The following RARB variants were observed in gnomAD, a reference collection of about 807,000 sequenced individuals.
RARB encodes retinoic acid receptor beta, also known as HBV-activated protein.
In RARB, 17 loss-of-function variants were observed where a neutral mutation model predicts 51.9. That is an observed-to-expected ratio of 0.33 (90% CI 0.22 to 0.49). RARB has a LOEUF of 0.49. Among genes scored for constraint, RARB ranks in the 20% least tolerant of loss-of-function variants. RARB has a pLI of 0.99. For synonymous variants in RARB, 215 were observed against 195.4 expected, an observed-to-expected ratio of 1.10 and a Z score of -0.84; for missense variants, 369 against 550.8, an observed-to-expected ratio of 0.67 and a Z score of 3.30.
Position 25,226,614 on chromosome 3 carries a change from G to C in RARB, c.178+52039G>C, listed in dbSNP as rs375820893. ...AAGTACAACATCTGCTGAGGGACATGAATTTGATTTTACACTCAACTTGTC... is the reference window on the plus strand; with the variant it reads ...AAGTACAACATCTGCTGAGGGACATCAATTTGATTTTACACTCAACTTGTC... On this transcript the variant is annotated intron_variant, in intron 5 of 11. Coordinates refer to the RARB transcript ENST00000383772. Among the ~76,000 whole-genome samples the C allele has an allele frequency of 1.3e-3, 201 of 152,318 alleles. 1 individual carries two copies. The highest frequency in any genetic ancestry group is 4.6e-3 in the African/African-American group (193 of 41,582).
intron 2 of RARB, among the ~76,000 whole-genome samples, chr3:24,881,624 G>A (rs948366504): frequency 2.0e-5 from 3 of 152,144 alleles, no homozygotes; most frequent in Admixed American, 6.6e-5. Flanking sequence ...AATTATAGTG[G>A]CATTGATCTT....
upstream of RARB, among the ~76,000 whole-genome samples, chr3:25,424,989 A>C (rs1707950335): frequency 6.6e-6 from 1 of 152,230 alleles, no homozygotes; most frequent in East Asian, 1.9e-4. Flanking sequence ...AGTTACTCTG[A>C]AACAAAATGG....
At chr3:25,079,349 G>A (rs1179203183) in intron 3 of RARB, among the ~76,000 whole-genome samples, 1 of 152,032 alleles carries the variant, frequency 6.6e-6, no homozygotes, top group East Asian at 1.9e-4. Context: ...TTTTCAAACT[G>A]AATGCTAATT....
chr3:25,287,947 A>C (rs1703695636), intron 5 of RARB, among the ~76,000 whole-genome samples: 1 of 152,108 alleles, frequency 6.6e-6, no homozygotes, highest in Admixed American at 6.6e-5. Flanking sequence ...TTCAATATGC[A>C]TTATAAAGGG....
intron 5 of RARB, among the ~76,000 whole-genome samples, chr3:25,273,266 C>T (rs140819333): frequency 6.6e-6 from 1 of 152,164 alleles, no homozygotes; most frequent in Admixed American, 6.5e-5. Flanking sequence ...CCTCAGCTAT[C>T]GTGCATGAGA....
At chr3:25,347,605 G>C (rs1705432830) in intron 5 of RARB, among the ~76,000 whole-genome samples, 1 of 152,208 alleles carries the variant, frequency 6.6e-6, no homozygotes, top group African/African-American at 2.4e-5. Context: ...GCCCAAGTTA[G>C]CAGCCAAAAG....
rs948961192 is a variant in RARB, at chr3:25,138,525, T to C, written c.-280+6317T>C. The stretch of plus-strand genomic sequence containing the variant: ...TTTCTATTTAAGCTTTAAATCAGAA[T>C]TCTAATTAGTAACATGAGTCTCTTT... On this transcript the variant is annotated intron_variant, in intron 4 of 11. Coordinates refer to the RARB transcript ENST00000383772. 3.9e-5 allele frequency among the ~76,000 whole-genome samples: 6 copies of C among 152,246 alleles called. No individual in the cohort carries two copies. The South Asian group carries it at 1.0e-3, about 26-fold the overall frequency.
Position 25,236,338 on chromosome 3 carries a change from A to T in RARB, c.178+61763A>T, listed in dbSNP as rs532405335. Among the ~76,000 whole-genome samples the T allele has an allele frequency of 2.6e-5, 4 of 152,306 alleles. No homozygotes were observed. In the South Asian group the frequency reaches 8.3e-4, roughly 32 times the overall value. On this transcript the variant is annotated intron_variant, in intron 5 of 11. Coordinates refer to the RARB transcript ENST00000383772. ...TTAAGCTCCAGATAATTTCAAAGATAATAATACCCTGTTAATTCTTATCTC... is the reference window on the plus strand; with the variant it reads ...TTAAGCTCCAGATAATTTCAAAGATTATAATACCCTGTTAATTCTTATCTC...
intron 5 of RARB, among the ~76,000 whole-genome samples, chr3:25,371,042 G>T (rs900657): frequency 0.43 from 64,496 of 151,598 alleles, 14,208 homozygotes; most frequent in East Asian, 0.77. Flanking sequence ...TTGGATTTAG[G>T]GCCCCCTTGG....
At chr3:25,176,099 A>C (rs1245474152) in intron 5 of RARB, among the ~76,000 whole-genome samples, 1 of 152,082 alleles carries the variant, frequency 6.6e-6, no homozygotes, top group Non-Finnish European at 1.5e-5. Flanking sequence ...ACATTTTAAC[A>C]GGTTTCTTTC....
At chr3:24,886,214 G>A (rs1215151450) in intron 2 of RARB, among the ~76,000 whole-genome samples, 5 of 152,034 alleles carry the variant, frequency 3.3e-5, no homozygotes, top group Non-Finnish European at 7.4e-5. Context: ...AATATACCTG[G>A]CTTTATAGTT....
At chr3:24,907,224 C>T (rs1694886879) in intron 2 of RARB, among the ~76,000 whole-genome samples, 1 of 152,140 alleles carries the variant, frequency 6.6e-6, no homozygotes, top group Non-Finnish European at 1.5e-5. Flanking sequence ...CAAACTTTAG[C>T]ATCAGAATCA....
chr3:24,851,835 G>T (rs1702563737), intron 1 of RARB, among the ~76,000 whole-genome samples: 1 of 152,146 alleles, frequency 6.6e-6, no homozygotes, highest in Admixed American at 6.5e-5. Flanking sequence ...AGATGAAATT[G>T]TTCATTAGAA....
At chr3:25,366,562 T>C (rs1559373664) in intron 5 of RARB, among the ~76,000 whole-genome samples, 2 of 152,172 alleles carry the variant, frequency 1.3e-5, no homozygotes, top group East Asian at 3.9e-4. Context: ...AAAATGAGAG[T>C]TGGAAAACTC....
intron 5 of RARB, among the ~76,000 whole-genome samples, chr3:25,207,208 A>G (rs1701571299): frequency 6.6e-6 from 1 of 152,196 alleles, no homozygotes; most frequent in Non-Finnish European, 1.5e-5. Context: ...GCCTGGAGAT[A>G]TAGTTCCAAC....
intron 5 of RARB, among the ~76,000 whole-genome samples, chr3:25,270,129 TATC>T (rs1349887343): frequency 6.6e-6 from 1 of 152,144 alleles, no homozygotes; most frequent in Non-Finnish European, 1.5e-5. Context: ...TAGAATCACA[TATC>T]ATCCATTAAT....
chr3:25,263,569 C>A (rs1016837863), intron 5 of RARB, among the ~76,000 whole-genome samples: 1 of 152,322 alleles, frequency 6.6e-6, no homozygotes, highest in East Asian at 1.9e-4. Flanking sequence ...CTGACTCCAT[C>A]TGAGATTTTT....
At position 25,204,418 on chromosome 3, in the gene RARB, C is replaced by G. The variant is rs145084250; in HGVS notation, c.178+29843C>G. On this transcript the variant is annotated intron_variant, in intron 5 of 11. Transcript: ENST00000383772. ...GTTTGATTGTCTGAAGCCGCCTTCT[C>G]TCAACTCGTCAAAGTTATTCTCCGT... Among the ~76,000 whole-genome samples, 59 of 152,354 alleles carry G rather than the reference C, an allele frequency of 3.9e-4. No individual in the cohort carries two copies. In the East Asian group the frequency reaches 0.011, roughly 28 times the overall value.
At chr3:25,356,609 C>T (rs1173522764) in intron 5 of RARB, among the ~76,000 whole-genome samples, 3 of 152,002 alleles carry the variant, frequency 2.0e-5, no homozygotes, top group African/African-American at 4.8e-5. Context: ...TGGTTTGCTG[C>T]ACCCATCAAC....
Sources: allele counts gnomAD v4.1 joint callset (sites outside exome capture counted in the v4.1 genomes callset), GRCh38; gene constraint gnomAD v4.1.1; transcripts MANE v1.5; gene names NCBI Gene and HGNC (gene_info 2026-07-23, HGNC 2026-07-21).